The following BIN2 variants were observed in gnomAD, a reference collection of about 807,000 sequenced individuals.
BIN2 encodes the protein bridging integrator 2.
A neutral mutation model predicts 67.9 loss-of-function variants in BIN2; 43 were observed. That is an observed-to-expected ratio of 0.63 (90% confidence interval 0.50 to 0.82). The LOEUF (loss-of-function observed/expected upper bound fraction) is 0.82, where lower values mean the gene tolerates loss of function less well. Ranked by LOEUF, BIN2 falls within the 40% of genes least tolerant of loss-of-function variation. BIN2 has a pLI of 0.00. For missense variants in BIN2, 581 were observed against 671.6 expected (o/e 0.87, Z 1.49); for synonymous variants, 244 against 246.8 (o/e 0.99, Z 0.11).
At chr12:51,324,473 G>A (rs1328216474), upstream of BIN2, 3 of 1,521,116 alleles carry the variant, frequency 2.0e-6, no homozygotes, top group Non-Finnish European at 2.6e-6. Flanking sequence ...CCACCGCAGG[G>A]TAGAAAATGA....
At chr12:51,318,558 A>G (rs543190793) in intron 1 of BIN2, among the ~76,000 whole-genome samples, 5 of 152,280 alleles carry the variant, frequency 3.3e-5, no homozygotes, top group South Asian at 4.1e-4. Flanking sequence ...CTGGGCCACC[A>G]GTATCTCCAT....
At chr12:51,316,521 A>T (rs1946138746) in intron 1 of BIN2, among the ~76,000 whole-genome samples, 1 of 151,946 alleles carries the variant, frequency 6.6e-6, no homozygotes, top group Non-Finnish European at 1.5e-5. Flanking sequence ...AAAGTCCAAT[A>T]TGTATCTTTA....
chr12:51,302,791 A>G lies in BIN2; in HGVS notation c.218-11T>C. On this transcript the variant is annotated splice_polypyrimidine_tract_variant and intron_variant, in intron 3 of 12. Transcript: ENST00000615107. ...AACTTTCATGCATCACTGAAAGGAG[A>G]GAATTCAGTCCCACCATCATGTTTC... 6.3e-7 allele frequency: 1 copy of G among 1,598,578 alleles called. No individual in the cohort carries two copies. The highest frequency in any genetic ancestry group is 8.6e-7 in the Non-Finnish European group (1 of 1,165,878).
At chr12:51,320,936 A>AAC (rs1555173084) in intron 1 of BIN2, among the ~76,000 whole-genome samples, 63 of 138,748 alleles carry the variant, frequency 4.5e-4, no homozygotes, top group African/African-American at 7.7e-4. Flanking sequence ...TCATACTAAA[A>AAC]ACACACACAC....
intron 9 of BIN2, among the ~76,000 whole-genome samples, chr12:51,295,573 AAAAAATATAT>A (rs1176467056): frequency 7.6e-5 from 3 of 39,690 alleles, no homozygotes; most frequent in African/African-American, 3.8e-4. Flanking sequence ...AAAAAAAAAA[AAAAAATATAT>A]ATATATATAT....
intron 1 of BIN2, among the ~76,000 whole-genome samples, chr12:51,319,626 A>G (rs1027151832): frequency 6.6e-5 from 10 of 152,224 alleles, no homozygotes; most frequent in African/African-American, 2.4e-4. Flanking sequence ...ATTTAAGGAG[A>G]AAGAGCAAGA....
intron 12 of BIN2, among the ~76,000 whole-genome samples, chr12:51,281,924 A>T (rs1176969429): frequency 6.7e-6 from 1 of 150,108 alleles, no homozygotes; most frequent in African/African-American, 2.4e-5. Flanking sequence ...CTAATTTATT[A>T]AAAAAAAAAT....
At chr12:51,312,225 T>C (rs1946014726) in intron 2 of BIN2, among the ~76,000 whole-genome samples, 1 of 152,214 alleles carries the variant, frequency 6.6e-6, no homozygotes, top group African/African-American at 2.4e-5. Flanking sequence ...CAAAAGATCC[T>C]ATGAAAACCA....
intron 9 of BIN2, among the ~76,000 whole-genome samples, chr12:51,294,732 AAACAACACAC>A (rs1945489937): frequency 1.4e-5 from 1 of 73,512 alleles, no homozygotes; most frequent in Non-Finnish European, 4.6e-5. Flanking sequence ...TGCACACATA[AAACAACACAC>A]ATAGAAATGA....
chr12:51,290,575 C>T (rs977531030), intron 10 of BIN2, among the ~76,000 whole-genome samples: 1 of 151,858 alleles, frequency 6.6e-6, no homozygotes, highest in Non-Finnish European at 1.5e-5. Context: ...GCCTGTAATC[C>T]CAGCACTTTG....
intron 1 of BIN2, among the ~76,000 whole-genome samples, chr12:51,320,574 A>G (rs765239779): frequency 7.3e-5 from 11 of 150,822 alleles, no homozygotes; most frequent in South Asian, 2.1e-4. Context: ...ATTCTCCCCA[A>G]TCCTTTTGTC....
At chr12:51,291,511 C>A in intron 10 of BIN2, 80 bp downstream of exon 10, 1 of 1,403,200 alleles carries the variant, frequency 7.1e-7, no homozygotes, top group East Asian at 2.5e-5. Context: ...CCACTACACT[C>A]CAGCCTGGAC....
intron 2 of BIN2, among the ~76,000 whole-genome samples, chr12:51,313,607 T>C (rs1946052388): frequency 1.3e-5 from 2 of 151,936 alleles, no homozygotes; most frequent in Non-Finnish European, 1.5e-5. Flanking sequence ...TCCCAAAGTG[T>C]TGGGATTATA....
intron 5 of BIN2, 58 bp from the exon 6 acceptor site, chr12:51,299,772 G>T: frequency 7.2e-7 from 1 of 1,392,882 alleles, no homozygotes; most frequent in South Asian, 1.2e-5. Context: ...CCAGGATGTA[G>T]GTAACAGAAT....
intron 1 of BIN2, among the ~76,000 whole-genome samples, chr12:51,318,184 TTTGAATGCCA>T (rs1376756840): frequency 1.3e-5 from 2 of 151,860 alleles, no homozygotes; most frequent in East Asian, 3.9e-4. Context: ...TGTGAAGGGC[TTTGAATGCCA>T]TGCAAGAGTG....
upstream of BIN2, chr12:51,324,186 G>A (rs1166603265): frequency 1.3e-6 from 2 of 1,551,248 alleles, no homozygotes; most frequent in South Asian, 1.2e-5. Flanking sequence ...CGGGCTCCCG[G>A]CATGCCTCGC....
intron 12 of BIN2, among the ~76,000 whole-genome samples, 189 bp downstream of exon 12, chr12:51,284,527 G>A (rs1449723731): frequency 1.3e-5 from 2 of 152,114 alleles, no homozygotes; most frequent in Non-Finnish European, 2.9e-5. Context: ...GTCAAGTATA[G>A]GAAAATGGGC....
At position 51,303,040 on chromosome 12, in the gene BIN2, G is replaced by A. The variant is rs773670482; in HGVS notation, c.217+47C>T. The stretch of plus-strand genomic sequence containing the variant: ...ATTGTTTTCCACCCCAAACCTCCTA[G>A]TAGCTGTATAAATGCCCTCTGGATT... On this transcript the variant is annotated intron_variant, in intron 3 of 12. Coordinates refer to ENST00000615107, the MANE Select transcript of BIN2 (RefSeq NM_016293.4). 2.5e-6 allele frequency: 4 copies of A among 1,593,558 alleles called. No individual in the cohort carries two copies. In the Admixed American group the frequency reaches 5.0e-5, roughly 20 times the overall value.
intron 10 of BIN2, among the ~76,000 whole-genome samples, chr12:51,289,435 C>T (rs1342724592): frequency 2.6e-5 from 4 of 151,668 alleles, no homozygotes; most frequent in East Asian, 2.0e-4. Flanking sequence ...GGCAACATGG[C>T]GAAACCCCAT....
Sources: gnomAD v4.1 joint callset for allele counts (sites outside exome capture counted in the v4.1 genomes callset) on GRCh38, gnomAD v4.1.1 for gene constraint, MANE v1.5 for transcripts, NCBI Gene and HGNC (gene_info 2026-07-23, HGNC 2026-07-21) for gene names.